The following DDX11 variants were observed in gnomAD, a reference collection of about 807,000 sequenced individuals.
The protein encoded by DDX11 is DEAD/H-box helicase 11.
Under a neutral mutation model 125.2 loss-of-function variants are expected in DDX11, and 72 were observed. The observed-to-expected ratio is 0.58, with a 90% CI of 0.48 to 0.70. DDX11 has a LOEUF of 0.70. Ranked by LOEUF, DDX11 falls within the 30% of genes least tolerant of loss-of-function variation. DDX11 has a pLI of 0.00. For missense variants in DDX11, 883 were observed against 1,165.0 expected, an observed-to-expected ratio of 0.76 and a Z score of 3.52; for synonymous variants, 347 against 452.6, an observed-to-expected ratio of 0.77 and a Z score of 2.96.
rs373295877 is a variant in DDX11 at position 31,100,615 on chromosome 12, G to A, written c.1876-20G>A. 10 of 1,551,376 alleles carry A rather than the reference G, an allele frequency of 6.4e-6. No individual in the cohort carries two copies. The highest frequency in any genetic ancestry group is 4.1e-5 in the African/African-American group (3 of 73,056). On this transcript the variant is annotated intron_variant, in intron 18 of 26. Transcript: ENST00000542838. ...CTCTGAGGGGTCATGGGGCCGTGAC[G>A]CTGTGGCCTTGGTCTACAGGTGTCT...
At chr12:31,102,337 T>G (rs1218669285) in intron 22 of DDX11, 26 bp downstream of exon 22, 7 of 1,612,422 alleles carry the variant, frequency 4.3e-6, no homozygotes, top group Non-Finnish European at 5.9e-6. Flanking sequence ...TGGGCTTGGG[T>G]CTGAGATCGT....
chr12:31,098,816 G>T (rs545172339), intron 18 of DDX11, among the ~76,000 whole-genome samples: 1 of 152,264 alleles, frequency 6.6e-6, no homozygotes, highest in South Asian at 2.1e-4. Flanking sequence ...CATTGTGAGA[G>T]CCCCTTCCTG....
Position 31,078,401 on chromosome 12 carries a change from A to G in DDX11, c.8A>G (p.Asn3Ser), listed in dbSNP as rs771036752. 3.1e-6 allele frequency: 5 copies of G among 1,610,554 alleles called. No homozygotes were observed. In the Admixed American group the frequency reaches 6.7e-5, roughly 22 times the overall value. The change falls in exon 2 of 27, where the codon AAT becomes AGT. Residue 3 changes from asparagine to serine, a missense_variant. Asn to Ser is a conservative substitution (Grantham distance 46, BLOSUM62 1). Transcript: ENST00000542838. Reference protein sequence around the residue: MANETQKVGAIHF... With the variant: MASETQKVGAIHF... ...TTTATTTTTCCTAGGTCCATGGCTA[A>G]TGAAACACAGAAGGTTGGTGCCATC...
intron 20 of DDX11, 195 bp from the exon 21 acceptor site, chr12:31,101,638 C>T (rs1186985234): frequency 4.6e-6 from 3 of 653,140 alleles, no homozygotes; most frequent in East Asian, 2.8e-5. Context: ...TCAGCAGCAG[C>T]GGCTGGGTGT....
chr12:31,093,416 G>A (rs1233464701), intron 12 of DDX11, 92 bp downstream of exon 12: 1 of 1,559,780 alleles, frequency 6.4e-7, no homozygotes, highest in African/African-American at 1.4e-5. Context: ...TCAGTTCTCT[G>A]TGTTTTTAAG....
chr12:31,100,544 A>G, intron 18 of DDX11, 91 bp from the exon 19 acceptor site: 2 of 1,148,866 alleles, frequency 1.7e-6, no homozygotes, highest in Non-Finnish European at 2.5e-6. Context: ...GTTTGTGTGT[A>G]CTTGCTGTCT....
At chr12:31,084,094 T>C in intron 3 of DDX11, 33 bp downstream of exon 3, 2 of 1,611,054 alleles carry the variant, frequency 1.2e-6, no homozygotes, top group South Asian at 1.1e-5. Context: ...GTGGGAGTAC[T>C]GGAGGAAACA....
intron 6 of DDX11, 117 bp downstream of exon 6, chr12:31,088,100 G>A (rs1486975864): frequency 1.4e-6 from 2 of 1,473,960 alleles, no homozygotes; most frequent in South Asian, 1.2e-5. Context: ...CAAAGGAGGA[G>A]CTTCCAGCAC....
intron 1 of DDX11, among the ~76,000 whole-genome samples, chr12:31,075,734 C>T (rs1220357407): frequency 3.9e-5 from 6 of 152,142 alleles, no homozygotes; most frequent in East Asian, 1.9e-4. Context: ...TATGAGGTGT[C>T]GAAGCACCTA....
intron 10 of DDX11, among the ~76,000 whole-genome samples, chr12:31,092,235 T>A (rs1171944001): frequency 6.6e-6 from 1 of 151,928 alleles, no homozygotes; most frequent in Non-Finnish European, 1.5e-5. Context: ...TGAGGAATGC[T>A]CAAGATCAGC....
intron 9 of DDX11, 114 bp downstream of exon 9, chr12:31,090,208 G>C (rs1943963515): frequency 2.3e-6 from 2 of 862,026 alleles, no homozygotes; most frequent in African/African-American, 1.7e-5. Flanking sequence ...TGGTCAGGTT[G>C]ATGGCACCTT....
chr12:31,093,843 T>C (rs554906506), intron 12 of DDX11: 11 of 185,026 alleles, frequency 5.9e-5, no homozygotes, highest in Admixed American at 4.0e-4. Flanking sequence ...TCTTTGCCCA[T>C]GTTCTGAGGA....
chr12:31,098,899 G>C (rs974966465), intron 18 of DDX11, among the ~76,000 whole-genome samples: 2 of 151,992 alleles, frequency 1.3e-5, no homozygotes, highest in African/African-American at 4.8e-5. Flanking sequence ...ATCACCATGG[G>C]TGTCCTTTCC....
intron 3 of DDX11, 129 bp downstream of exon 3, chr12:31,084,190 C>G (rs550803712): frequency 7.7e-7 from 1 of 1,294,710 alleles, no homozygotes. Flanking sequence ...GCTCTTCCCT[C>G]AGCTCCTTGG....
chr12:31,074,600 C>G (rs1432556752), intron 1 of DDX11, among the ~76,000 whole-genome samples: 1 of 152,198 alleles, frequency 6.6e-6, no homozygotes, highest in African/African-American at 2.4e-5. Context: ...GGGTTCCACA[C>G]AGGGTGCGAG....
At chr12:31,084,722 T>C (rs986444018) in intron 4 of DDX11, 53 bp downstream of exon 4, 21 of 1,526,608 alleles carry the variant, frequency 1.4e-5, no homozygotes, top group Non-Finnish European at 1.7e-5. Context: ...GTTGCTCTGC[T>C]TGGAGGCTCA....
chr12:31,102,180 C>T lies in DDX11; in HGVS notation c.2203-63C>T, dbSNP rs1946501578. The T allele has an allele frequency of 1.4e-5, 22 of 1,567,848 alleles. No individual in the cohort carries two copies. The South Asian group carries it at 1.8e-4, about 13-fold the overall frequency. ...CCCCTGGCCAGAAAACACAAGGCCA[C>T]GAGCAGACTCGAGACCTGGCACCCT... On this transcript the variant is annotated intron_variant, in intron 21 of 26. Transcript: ENST00000542838.
At chr12:31,103,235 G>A in intron 24 of DDX11, 82 bp from the exon 25 acceptor site, 2 of 1,560,930 alleles carry the variant, frequency 1.3e-6, no homozygotes, top group Non-Finnish European at 1.7e-6. Flanking sequence ...TCCTGGTCTG[G>A]CTCCAAAGCC....
chr12:31,088,005 G>C (rs777002403), intron 6 of DDX11, 22 bp downstream of exon 6: 7 of 1,607,240 alleles, frequency 4.4e-6, no homozygotes, highest in Non-Finnish European at 4.2e-6. Flanking sequence ...GTCCTCAGCT[G>C]GTGCTGTGCT....
Sources: allele counts gnomAD v4.1 joint callset (sites outside exome capture counted in the v4.1 genomes callset), GRCh38; gene constraint gnomAD v4.1.1; transcripts MANE v1.5; gene names NCBI Gene and HGNC (gene_info 2026-07-23, HGNC 2026-07-21).